DIP2B: variants seen among roughly 807,000 people sequenced by gnomAD.
The protein encoded by DIP2B is DIP2 acetate--CoA ligase B (putative).
DIP2B carries 76 observed loss-of-function variants against 198.0 expected under a neutral mutation model. That is an observed-to-expected ratio of 0.38 (90% CI 0.32 to 0.46). DIP2B has a LOEUF of 0.46. Ranked by LOEUF, DIP2B falls within the 20% of genes least tolerant of loss-of-function variation. The pLI is 0.99. For missense variants in DIP2B, 1,559 were observed against 1,978.4 expected (o/e 0.79, Z 4.02); for synonymous variants, 701 against 739.1 (o/e 0.95, Z 0.84).
intron 1 of DIP2B, among the ~76,000 whole-genome samples, chr12:50,549,696 T>C (rs893569831): frequency 3.8e-5 from 2 of 52,488 alleles, no homozygotes; most frequent in Admixed American, 4.4e-4. Context: ...AGACTCCATC[T>C]TAAAAAAAAA....
Position 50,680,708 on chromosome 12 carries a change from C to T in DIP2B, c.1151C>T (p.Thr384Ile), listed in dbSNP as rs936299795. The stretch of plus-strand genomic sequence containing the variant: ...AGCAGAAGTTTAAAGTTGGCCTACA[C>T]ACTTCTTAATAAACTGGGGACCAAA... Reference protein sequence around the residue: ...LWSRSLKLAYTLLNKLGTKNE... With the variant: ...LWSRSLKLAYILLNKLGTKNE... Residue 384 changes from threonine to isoleucine, a missense_variant, in exon 9 of 38, where the codon ACA (threonine) becomes ATA (isoleucine). Physicochemically the swap from Thr to Ile is moderately conservative, Grantham distance 89 (BLOSUM62 -1). Coordinates refer to ENST00000301180, the MANE Select transcript of DIP2B (RefSeq NM_173602.3). 6.8e-6 allele frequency: 11 copies of T among 1,613,192 alleles called. No individual in the cohort carries two copies. In the African/African-American group the frequency reaches 1.3e-4, roughly 20 times the overall value.
chr12:50,653,328 C>CTTTTTTTTTTTTTTCTTTTTTTTT (rs71086465), intron 3 of DIP2B, among the ~76,000 whole-genome samples: 1 of 116,312 alleles, frequency 8.6e-6, no homozygotes, highest in Non-Finnish European at 1.7e-5. Context: ...GTCTTTCTTT[C>CTTTTTTTTTTTTTTCTTTTTTTTT]TTTTTTTTTT....
intron 1 of DIP2B, among the ~76,000 whole-genome samples, chr12:50,539,220 C>G (rs1285171577): frequency 1.4e-5 from 2 of 140,554 alleles, no homozygotes; most frequent in Non-Finnish European, 3.1e-5. Flanking sequence ...CTAGGTAGCT[C>G]GCTCTTTTCT....
chr12:50,625,503 A>G (rs1937914627), intron 1 of DIP2B, among the ~76,000 whole-genome samples: 2 of 152,228 alleles, frequency 1.3e-5, no homozygotes, highest in Non-Finnish European at 2.9e-5. Context: ...GTTAGGGTAC[A>G]GAAAGTCCTT....
At chr12:50,510,442 C>G (rs1431932719) in intron 1 of DIP2B, among the ~76,000 whole-genome samples, 1 of 152,186 alleles carries the variant, frequency 6.6e-6, no homozygotes, top group Non-Finnish European at 1.5e-5. Context: ...ACTTTCTGTC[C>G]TAGCCTGTTT....
intron 1 of DIP2B, among the ~76,000 whole-genome samples, chr12:50,593,051 A>G (rs1240178655): frequency 6.6e-6 from 1 of 152,182 alleles, no homozygotes; most frequent in Non-Finnish European, 1.5e-5. Context: ...AAGGCAACCA[A>G]ATTTCAGTTT....
chr12:50,557,445 C>T (rs993162765), intron 1 of DIP2B, among the ~76,000 whole-genome samples: 1 of 152,166 alleles, frequency 6.6e-6, no homozygotes, highest in African/African-American at 2.4e-5. Flanking sequence ...GCACCATCCC[C>T]TCCATGTCTT....
intron 3 of DIP2B, among the ~76,000 whole-genome samples, chr12:50,649,442 G>T (rs1314746586): frequency 6.6e-6 from 1 of 152,188 alleles, no homozygotes. Context: ...GCGTATATCT[G>T]GGAATTTAGT....
At chr12:50,517,869 G>A (rs1958079765) in intron 1 of DIP2B, among the ~76,000 whole-genome samples, 1 of 152,102 alleles carries the variant, frequency 6.6e-6, no homozygotes, top group African/African-American at 2.4e-5. Flanking sequence ...TTTCCTGTGA[G>A]TTTCCAGTTA....
chr12:50,618,190 T>G (rs1247564261), intron 1 of DIP2B, among the ~76,000 whole-genome samples: 1 of 152,224 alleles, frequency 6.6e-6, no homozygotes, highest in African/African-American at 2.4e-5. Context: ...AATAAAAAAT[T>G]TAAAAGAATG....
At chr12:50,514,409 C>G (rs1958045953) in intron 1 of DIP2B, among the ~76,000 whole-genome samples, 1 of 152,064 alleles carries the variant, frequency 6.6e-6, no homozygotes, top group Non-Finnish European at 1.5e-5. Context: ...GAAGACCAGA[C>G]TCCCTCAGCT....
In DIP2B at chr12:50,718,831, G is replaced by A; in HGVS notation, c.2961+13G>A. 2 of 1,613,278 alleles carry A rather than the reference G, an allele frequency of 1.2e-6. No homozygotes were observed. The highest frequency in any genetic ancestry group is 1.7e-6 in the Non-Finnish European group (2 of 1,179,350). On this transcript the variant is annotated intron_variant, in intron 24 of 37. Transcript: ENST00000301180. ...TTTGGTGAGGAAGGTAAGTGTTCCT[G>A]AAGTGTTACCTTCTTACAGTCAAGT... is the stretch of plus-strand genomic sequence containing the variant.
At chr12:50,507,275 C>A (rs192322519) in intron 1 of DIP2B, among the ~76,000 whole-genome samples, 2 of 152,288 alleles carry the variant, frequency 1.3e-5, no homozygotes, top group East Asian at 3.9e-4. Flanking sequence ...CAATGGATGA[C>A]TGGAAAAAAT....
chr12:50,545,923 C>G (rs1313383390), intron 1 of DIP2B, among the ~76,000 whole-genome samples: 4 of 152,138 alleles, frequency 2.6e-5, no homozygotes, highest in African/African-American at 7.2e-5. Flanking sequence ...CTGTGAGTCA[C>G]TGTGCCCGGC....
At chr12:50,560,955 G>C (rs1565824886) in intron 1 of DIP2B, among the ~76,000 whole-genome samples, 1 of 152,100 alleles carries the variant, frequency 6.6e-6, no homozygotes, top group Non-Finnish European at 1.5e-5. Context: ...CAAATAAACT[G>C]TTTTCACATT....
rs182107870 is a variant in DIP2B at position 50,653,001 on chromosome 12, C to T, written c.302-7193C>T. ...CTCTGTTGCCTAGGCTGGAGTGCAGCGGTGTGATCATAGCTCACTGCAGCC... is the reference window on the plus strand; with the variant it reads ...CTCTGTTGCCTAGGCTGGAGTGCAGTGGTGTGATCATAGCTCACTGCAGCC... On this transcript the variant is annotated intron_variant, in intron 3 of 37. Transcript: ENST00000301180. 5.6e-3 allele frequency among the ~76,000 whole-genome samples: 839 copies of T among 151,166 alleles called. 6 individuals carry two copies. The highest frequency in any genetic ancestry group is 7.8e-3 in the Non-Finnish European group (528 of 67,888).
chr12:50,646,833 C>G (rs1277662454), intron 3 of DIP2B, among the ~76,000 whole-genome samples: 1 of 152,142 alleles, frequency 6.6e-6, no homozygotes. Context: ...ACTTTTCTGT[C>G]TGTCCAAATC....
chr12:50,623,429 ACACACACACT>A (rs1335707427), intron 1 of DIP2B, among the ~76,000 whole-genome samples: 1,619 of 49,050 alleles, frequency 0.033, 19 homozygotes, highest in East Asian at 0.13. Flanking sequence ...ACACACACAC[ACACACACACT>A]CTCTCTCTCT....
chr12:50,713,657 AGAG>A (rs1397412809), intron 22 of DIP2B, among the ~76,000 whole-genome samples: 2 of 152,214 alleles, frequency 1.3e-5, no homozygotes. Flanking sequence ...GCTCCTTTAG[AGAG>A]CTGCTGTTGT....
Sources: gnomAD v4.1 joint callset for allele counts (sites outside exome capture counted in the v4.1 genomes callset) on GRCh38, gnomAD v4.1.1 for gene constraint, MANE v1.5 for transcripts, NCBI Gene and HGNC (gene_info 2026-07-23, HGNC 2026-07-21) for gene names.